UBE2E2: variants seen among roughly 807,000 people sequenced by gnomAD.
UBE2E2 encodes the protein ubiquitin conjugating enzyme E2 E2.
Under a neutral mutation model 24.7 loss-of-function variants are expected in UBE2E2, and 6 were observed. That is an observed-to-expected ratio of 0.24 (90% CI 0.13 to 0.48). The LOEUF (loss-of-function observed/expected upper bound fraction) is 0.48. Ranked by LOEUF, UBE2E2 falls within the 20% of genes least tolerant of loss-of-function variation. The pLI is 0.99. For synonymous variants in UBE2E2, 104 were observed against 83.6 expected (o/e 1.24, Z -1.33); for missense variants, 169 against 245.0 (o/e 0.69, Z 2.07).
chr3:23,357,759 CTTA>C (rs946762594), intron 3 of UBE2E2, among the ~76,000 whole-genome samples: 5 of 152,124 alleles, frequency 3.3e-5, no homozygotes, highest in Non-Finnish European at 7.3e-5. Flanking sequence ...TATCTGACTC[CTTA>C]TTATTTATAA....
intron 3 of UBE2E2, among the ~76,000 whole-genome samples, chr3:23,237,830 A>G (rs1226055972): frequency 6.6e-6 from 1 of 152,170 alleles, no homozygotes; most frequent in Non-Finnish European, 1.5e-5. Context: ...ACCAAAAAAT[A>G]TGCTTTACAA....
At chr3:23,464,417 T>C (rs989583444) in intron 3 of UBE2E2, among the ~76,000 whole-genome samples, 2 of 152,136 alleles carry the variant, frequency 1.3e-5, no homozygotes, top group East Asian at 1.9e-4. Flanking sequence ...ATATCAACCA[T>C]TGACATAATT....
chr3:23,374,779 C>G (rs754184268), intron 3 of UBE2E2, among the ~76,000 whole-genome samples: 1 of 152,090 alleles, frequency 6.6e-6, no homozygotes, highest in Non-Finnish European at 1.5e-5. Flanking sequence ...TTATTTTCGG[C>G]CATTTATAAT....
intron 3 of UBE2E2, among the ~76,000 whole-genome samples, chr3:23,317,626 A>G (rs1694622017): frequency 6.6e-6 from 1 of 152,160 alleles, no homozygotes. Flanking sequence ...TTTAACTTGA[A>G]TGGCAGCAGA....
chr3:23,420,188 A>G (rs1250811426), intron 3 of UBE2E2, among the ~76,000 whole-genome samples: 1 of 152,208 alleles, frequency 6.6e-6, no homozygotes, highest in Non-Finnish European at 1.5e-5. Context: ...TGACGGCAGT[A>G]TCTATGTCTA....
chr3:23,417,816 C>T (rs115462114), intron 3 of UBE2E2, among the ~76,000 whole-genome samples: 6 of 152,164 alleles, frequency 3.9e-5, no homozygotes, highest in African/African-American at 1.2e-4. Context: ...CTGTGGTGGG[C>T]CCTACCCAGT....
chr3:23,399,324 A>G (rs994328006), intron 3 of UBE2E2, among the ~76,000 whole-genome samples: 5 of 152,200 alleles, frequency 3.3e-5, no homozygotes, highest in African/African-American at 9.7e-5. Flanking sequence ...TTACTTGAAC[A>G]CAACACTGAG....
At chr3:23,226,785 T>C (rs1176563958) in intron 3 of UBE2E2, among the ~76,000 whole-genome samples, 2 of 152,140 alleles carry the variant, frequency 1.3e-5, no homozygotes, top group Non-Finnish European at 2.9e-5. Context: ...TTGCTGTAGT[T>C]TGAGGTTTAA....
At chr3:23,465,061 C>A (rs1353148619) in intron 3 of UBE2E2, among the ~76,000 whole-genome samples, 1 of 152,204 alleles carries the variant, frequency 6.6e-6, no homozygotes, top group Admixed American at 6.5e-5. Flanking sequence ...GATGTTGCTT[C>A]ATGTAGCTGA....
At chr3:23,425,856 A>G (rs529443223) in intron 3 of UBE2E2, among the ~76,000 whole-genome samples, 1 of 152,218 alleles carries the variant, frequency 6.6e-6, no homozygotes, top group African/African-American at 2.4e-5. Context: ...AAAAAATTAC[A>G]AGTGTACTAG....
At chr3:23,507,625 T>C (rs1191002571) in intron 4 of UBE2E2, among the ~76,000 whole-genome samples, 2 of 152,216 alleles carry the variant, frequency 1.3e-5, no homozygotes, top group African/African-American at 2.4e-5. Flanking sequence ...AGAACCAGAA[T>C]CTAAACCCAG....
At chr3:23,467,767 A>C (rs1216246019) in intron 3 of UBE2E2, among the ~76,000 whole-genome samples, 3 of 152,142 alleles carry the variant, frequency 2.0e-5, no homozygotes, top group African/African-American at 7.2e-5. Flanking sequence ...TATAAGAAAA[A>C]GTTTTAATTA....
At chr3:23,532,061 C>CAAAAAAAAAAAAA (rs538531736) in intron 4 of UBE2E2, among the ~76,000 whole-genome samples, 2 of 91,298 alleles carry the variant, frequency 2.2e-5, no homozygotes, top group African/African-American at 4.3e-5. Flanking sequence ...AACTCTATCT[C>CAAAAAAAAAAAAA]AAAAAAAAAA....
At chr3:23,532,326 T>A (rs1695143291) in intron 4 of UBE2E2, among the ~76,000 whole-genome samples, 1 of 152,206 alleles carries the variant, frequency 6.6e-6, no homozygotes, top group African/African-American at 2.4e-5. Context: ...CAGAATGTCA[T>A]GGTTTTGCTG....
intron 3 of UBE2E2, among the ~76,000 whole-genome samples, chr3:23,265,356 A>G (rs1698019104): frequency 6.6e-6 from 1 of 152,094 alleles, no homozygotes; most frequent in Non-Finnish European, 1.5e-5. Flanking sequence ...CCCACATGGT[A>G]GTGTGGTTTA....
chr3:23,331,959 A>C (rs372064362), intron 3 of UBE2E2, among the ~76,000 whole-genome samples: 2 of 152,298 alleles, frequency 1.3e-5, no homozygotes. Flanking sequence ...TTTTTAAAAG[A>C]TGAAGTTGGA....
intron 3 of UBE2E2, among the ~76,000 whole-genome samples, chr3:23,490,355 G>A (rs1180222359): frequency 6.6e-6 from 1 of 152,150 alleles, no homozygotes; most frequent in Non-Finnish European, 1.5e-5. Flanking sequence ...TGTTGATTCC[G>A]TGGTTGGTCT....
chr3:23,436,771 C>A (rs1438608109), intron 3 of UBE2E2, among the ~76,000 whole-genome samples: 3 of 152,174 alleles, frequency 2.0e-5, no homozygotes, highest in Non-Finnish European at 4.4e-5. Context: ...AACTGGCATA[C>A]CACAGGTCTG....
intron 3 of UBE2E2, among the ~76,000 whole-genome samples, chr3:23,373,226 T>C (rs1696439797): frequency 1.3e-5 from 2 of 152,322 alleles, no homozygotes; most frequent in South Asian, 4.1e-4. Context: ...GAGTGGGTTC[T>C]AAGTAAAACA....
Sources: gnomAD v4.1 joint callset for allele counts (sites outside exome capture counted in the v4.1 genomes callset) on GRCh38, gnomAD v4.1.1 for gene constraint, MANE v1.5 for transcripts, NCBI Gene and HGNC (gene_info 2026-07-23, HGNC 2026-07-21) for gene names.